The following LIMS2 variants were observed in gnomAD, a reference collection of about 807,000 sequenced individuals.
LIMS2 encodes the protein LIM zinc finger domain containing 2.
In LIMS2, 30 loss-of-function variants were observed where a neutral mutation model predicts 45.3. The ratio of observed to expected loss-of-function variants is 0.66; its 90% CI spans 0.50 to 0.90. The LOEUF (loss-of-function observed/expected upper bound fraction) is 0.90, where lower values mean the gene tolerates loss of function less well. LIMS2 is among the 40% of genes least tolerant of loss of function. The pLI, the probability that LIMS2 is intolerant of heterozygous loss-of-function variation, is 0.00. For synonymous variants in LIMS2, 173 were observed against 188.0 expected (o/e 0.92, Z 0.65); for missense variants, 485 against 468.7 (o/e 1.03, Z -0.32).
chr2:127,652,936 A>G (rs1683952042), intron 4 of LIMS2, among the ~76,000 whole-genome samples: 1 of 152,222 alleles, frequency 6.6e-6, no homozygotes, highest in Non-Finnish European at 1.5e-5. Flanking sequence ...TTCCCCAACC[A>G]GCCCTTGGGG....
rs769304903 is a variant in LIMS2, at chr2:127,657,450, C to A, written c.124G>T (p.Val42Leu). 1.2e-6 allele frequency: 2 copies of A among 1,613,894 alleles called. No homozygotes were observed. The highest frequency in any genetic ancestry group is 1.7e-5 in the Admixed American group (1 of 60,032). ...NGELYHEHCF[V>L]CAQCFRPFPE... ...AAGGGCCGGAAGCACTGGGCACACACGAAGCAGTGCTCATGGTACAGCTCC... is the reference window on the plus strand; with the variant it reads ...AAGGGCCGGAAGCACTGGGCACACAAGAAGCAGTGCTCATGGTACAGCTCC... The change falls in exon 2 of 10, where the codon GTG (valine) becomes TTG (leucine). Residue 42 changes from valine (V) to leucine (L), a missense_variant. Coordinates refer to ENST00000355119, the MANE Select transcript of LIMS2 (RefSeq NM_001161403.3).
At chr2:127,678,352 C>T (rs1685545501), upstream of LIMS2, among the ~76,000 whole-genome samples, 1 of 152,068 alleles carries the variant, frequency 6.6e-6, no homozygotes, top group Non-Finnish European at 1.5e-5. This position sits in a 1 kb window ranked among gnomAD's most constrained non-coding sequence, Gnocchi z 5.3. Context: ...CGTGAGTCTA[C>T]GACGATATTA....
chr2:127,654,625 C>A, intron 3 of LIMS2, 81 bp from the exon 4 acceptor site: 1 of 1,593,640 alleles, frequency 6.3e-7, no homozygotes, highest in Non-Finnish European at 8.6e-7. Context: ...GTCCACCTAG[C>A]ACTCCGCCTG....
intron 4 of LIMS2, chr2:127,645,855 C>G (rs1026481356): frequency 2.0e-5 from 3 of 152,294 alleles, no homozygotes; most frequent in African/African-American, 7.2e-5. Flanking sequence ...AGGAAATCAT[C>G]CCCTTCTGAA....
chr2:127,668,727 T>G, intron 1 of LIMS2, among the ~76,000 whole-genome samples: 1 of 87,426 alleles, frequency 1.1e-5, no homozygotes, highest in Non-Finnish European at 2.4e-5. Flanking sequence ...TACTTAAAAA[T>G]TACAATTTAC....
intron 4 of LIMS2, chr2:127,646,794 T>A (rs1489770709): frequency 6.6e-6 from 1 of 152,288 alleles, no homozygotes; most frequent in Non-Finnish European, 1.5e-5. Context: ...GTCTGACCAG[T>A]GAGTCGTGAG....
upstream of LIMS2, among the ~76,000 whole-genome samples, chr2:127,675,965 C>T (rs1019571115): frequency 6.6e-6 from 1 of 152,258 alleles, no homozygotes. Context: ...CCCAGGTTTC[C>T]AGGGGAACCA....
At chr2:127,673,172 C>A (rs183314691) in intron 1 of LIMS2, among the ~76,000 whole-genome samples, 41 of 152,340 alleles carry the variant, frequency 2.7e-4, no homozygotes, top group African/African-American at 8.4e-4. Flanking sequence ...GGGTGCATTA[C>A]ACTCAGATCG....
At chr2:127,652,201 T>TCCTTTGCAGTGCAAGGTACTCTGAGTCC (rs1309848038) in intron 4 of LIMS2, 1 of 211,230 alleles carries the variant, frequency 4.7e-6, no homozygotes, top group East Asian at 1.2e-4. Context: ...GTCTCAATAC[T>TCCTTTGCAGTGCAAGGTACTCTGAGTCC]CCTTTGCAGT....
chr2:127,676,077 C>A (rs1573856408), upstream of LIMS2, among the ~76,000 whole-genome samples: 1 of 152,224 alleles, frequency 6.6e-6, no homozygotes, highest in East Asian at 1.9e-4. Flanking sequence ...AGGAAATTTT[C>A]AAACAAACAA....
chr2:127,677,083 G>C (rs1685519781), upstream of LIMS2, among the ~76,000 whole-genome samples: 1 of 152,218 alleles, frequency 6.6e-6, no homozygotes, highest in East Asian at 1.9e-4. This position sits in a 1 kb window ranked among gnomAD's most constrained non-coding sequence, Gnocchi z 5.0. Context: ...CAGCTGGTAG[G>C]GGTTGTGGGC....
Position 127,664,352 on chromosome 2 carries a change from G to GCC in LIMS2, c.12-6792_12-6791dup. ...TGCCGGTGCTGGCGCCGCCGGTACA[G>GCC]CCCCGACGCGGCCAGCGCACCCAGC... is the stretch of plus-strand genomic sequence containing the variant. On this transcript the variant is annotated intron_variant, in intron 1 of 9. Transcript: ENST00000355119. The surrounding 1 kb of genome is among the most constrained non-coding windows in gnomAD (Gnocchi z 5.5). The GCC allele has an allele frequency of 8.2e-7, 1 of 1,220,190 alleles. No homozygotes were observed. Among genetic ancestry groups the GCC allele is most frequent in the Middle Eastern group, 3.2e-4 (1 of 3,124 alleles). The allele number at this position is 1,220,190 out of a possible 1,614,324, so 75.6% of individuals were successfully genotyped here.
intron 4 of LIMS2, among the ~76,000 whole-genome samples, chr2:127,648,980 A>G (rs1411140748): frequency 6.4e-4 from 11 of 17,120 alleles, no homozygotes; most frequent in African/African-American, 1.8e-3. Context: ...GAGGGGAGGG[A>G]GGGGAGGGGA....
At chr2:127,666,911 C>T (rs1052796773) in intron 1 of LIMS2, among the ~76,000 whole-genome samples, 1 of 152,178 alleles carries the variant, frequency 6.6e-6, no homozygotes, top group Non-Finnish European at 1.5e-5. Flanking sequence ...ATGACCTCCA[C>T]CTGGTCTCTC....
intron 1 of LIMS2, among the ~76,000 whole-genome samples, chr2:127,665,263 A>C (rs1684943426): frequency 6.6e-6 from 1 of 152,218 alleles, no homozygotes; most frequent in African/African-American, 2.4e-5. Context: ...TAGAAAGGTC[A>C]GAAAGCTTGA....
chr2:127,673,701 G>A (rs1217439767), intron 1 of LIMS2: 5 of 1,551,582 alleles, frequency 3.2e-6, no homozygotes, highest in South Asian at 1.2e-5. Context: ...CTGCTGCTGG[G>A]GCTGCTCCGG....
Position 127,642,382 on chromosome 2 carries a change from A to G in LIMS2, c.510-183T>C. ...TTCCTGTGCCCCAGACAGGCCCTGG[A>G]GCACAGACTTCCTGCACAGCCCAGA... On this transcript the variant is annotated intron_variant, in intron 5 of 9. Transcript: ENST00000355119. The surrounding 1 kb of genome is among the most constrained non-coding windows in gnomAD (Gnocchi z 5.3). 1.6e-6 allele frequency: 1 copy of G among 622,290 alleles called. No individual in the cohort carries two copies. The highest frequency in any genetic ancestry group is 2.7e-6 in the Non-Finnish European group (1 of 374,944). 38.5% of individuals were successfully genotyped at this position (622,290 alleles called of 1,614,324 possible).
At chr2:127,650,888 G>C in intron 4 of LIMS2, 1 of 1,614,082 alleles carries the variant, frequency 6.2e-7, no homozygotes, top group South Asian at 1.1e-5. Flanking sequence ...GCAATACCCT[G>C]GCTCTGTGGC....
chr2:127,654,926 C>A, intron 2 of LIMS2, 30 bp from the exon 3 acceptor site: 1 of 1,603,298 alleles, frequency 6.2e-7, no homozygotes, highest in Non-Finnish European at 8.5e-7. Flanking sequence ...AGAGGACAAG[C>A]AAACCACCTA....
Sources: allele counts gnomAD v4.1 joint callset (sites outside exome capture counted in the v4.1 genomes callset), GRCh38; gene constraint gnomAD v4.1.1; non-coding constraint Gnocchi (gnomAD v3.1); transcripts MANE v1.5; gene names NCBI Gene and HGNC (gene_info 2026-07-23, HGNC 2026-07-21).